Variants in SORCS2 observed in about 807,000 individuals in gnomAD.
SORCS2 encodes the protein VPS10 domain-containing receptor SorCS2.
A neutral mutation model predicts 141.6 loss-of-function variants in SORCS2; 100 were observed. The ratio of observed to expected loss-of-function variants is 0.71; its 90% CI spans 0.60 to 0.83. SORCS2 has a LOEUF of 0.83. Ranked by LOEUF, SORCS2 falls within the 40% of genes least tolerant of loss-of-function variation. The pLI, the probability that SORCS2 is intolerant of heterozygous loss-of-function variation, is 0.00. For missense variants in SORCS2, 1,646 were observed against 1,560.2 expected (o/e 1.05, Z -0.93); for synonymous variants, 789 against 676.9 (o/e 1.17, Z -2.57).
In SORCS2 at chr4:7,638,512, G is replaced by A; in HGVS notation, c.813+20G>A. The A allele has an allele frequency of 3.1e-6, 5 of 1,601,368 alleles. No individual in the cohort carries two copies. Among genetic ancestry groups the A allele is most frequent in the South Asian group, 1.1e-5 (1 of 90,204 alleles). ...AGCAAGGTAAGATATATGGGTGCCA[G>A]TCGCCTGGTCTGTGGGGCTGGGGTC... On this transcript the variant is annotated intron_variant, in intron 4 of 26. Transcript: ENST00000507866.
rs1385100395 is a variant in SORCS2, at chr4:7,689,572, C to T, written c.1575C>T (p.Gly525=). ...GTVHTKDTAP[G]LIMGAGNLGS... ...TGCACACCAAGGACACCGCCCCAGGCCTCATCATGGGTGCAGGTAGGTGGC... is the reference window on the plus strand; with the variant it reads ...TGCACACCAAGGACACCGCCCCAGGTCTCATCATGGGTGCAGGTAGGTGGC... Residue 525 remains glycine, a synonymous_variant, in exon 11 of 27, where the codon GGC becomes GGT. Coordinates refer to ENST00000507866, the MANE Select transcript of SORCS2 (RefSeq NM_020777.3). 4 of 1,597,894 alleles carry T rather than the reference C, an allele frequency of 2.5e-6. No individual in the cohort carries two copies. The highest frequency in any genetic ancestry group is 2.3e-5 in the East Asian group (1 of 44,066).
intron 2 of SORCS2, among the ~76,000 whole-genome samples, chr4:7,471,617 C>T (rs1017819615): frequency 3.3e-5 from 5 of 152,214 alleles, no homozygotes; most frequent in African/African-American, 4.8e-5. Context: ...GCAAACTGTC[C>T]GGGACACAGG....
At chr4:7,444,524 G>A (rs1488863479) in intron 2 of SORCS2, among the ~76,000 whole-genome samples, 1 of 152,228 alleles carries the variant, frequency 6.6e-6, no homozygotes, top group Non-Finnish European at 1.5e-5. Flanking sequence ...CTGGGTGCAG[G>A]AAGAACAGGG....
At chr4:7,232,402 T>C (rs1028993621) in intron 1 of SORCS2, among the ~76,000 whole-genome samples, 2 of 152,162 alleles carry the variant, frequency 1.3e-5, no homozygotes, top group African/African-American at 2.4e-5. Context: ...GCCCGGCGCC[T>C]GGACGCCGGA....
chr4:7,285,888 C>T (rs546162858), intron 1 of SORCS2, among the ~76,000 whole-genome samples: 4 of 152,332 alleles, frequency 2.6e-5, no homozygotes, highest in Admixed American at 1.3e-4. Context: ...CTCTGATGTT[C>T]GGTGCAGCCC....
chr4:7,588,579 C>T (rs374709891), intron 3 of SORCS2, among the ~76,000 whole-genome samples: 1 of 152,142 alleles, frequency 6.6e-6, no homozygotes, highest in East Asian at 1.9e-4. Flanking sequence ...CCCCCTCTGA[C>T]CTTGGTTCAG....
At chr4:7,500,079 G>T (rs763021383) in intron 2 of SORCS2, among the ~76,000 whole-genome samples, 7 of 152,138 alleles carry the variant, frequency 4.6e-5, no homozygotes, top group Non-Finnish European at 1.0e-4. Context: ...CTGACCTCAC[G>T]GGCTTTCTTT....
intron 3 of SORCS2, among the ~76,000 whole-genome samples, chr4:7,546,886 G>T (rs1227898684): frequency 6.6e-6 from 1 of 152,224 alleles, no homozygotes; most frequent in African/African-American, 2.4e-5. Context: ...CCCTTGTGCA[G>T]TAGGGACTCT....
rs149389125 is a variant in SORCS2, at chr4:7,333,400, C to T, written c.481-62888C>T. On this transcript the variant is annotated intron_variant, in intron 1 of 26. Coordinates refer to ENST00000507866, the MANE Select transcript of SORCS2 (RefSeq NM_020777.3). ...ACGTGTTCCCGTGTGTGATGTTGGC[C>T]GGTGCGGCAGCCCAGATGGGACATC... Among the ~76,000 whole-genome samples the T allele has an allele frequency of 4.6e-3, 708 of 152,286 alleles. 4 individuals carry two copies. The highest frequency in any genetic ancestry group is 0.016 in the African/African-American group (665 of 41,556).
At chr4:7,724,271 ATGGTGGTGG>A (rs1205792946) in intron 19 of SORCS2, among the ~76,000 whole-genome samples, 3 of 126,098 alleles carry the variant, frequency 2.4e-5, no homozygotes, top group South Asian at 2.4e-4. Flanking sequence ...GATGGTGATG[ATGGTGGTGG>A]TGGTGGTGGT....
At chr4:7,623,662 G>T (rs1257925434) in intron 3 of SORCS2, among the ~76,000 whole-genome samples, 14 of 152,078 alleles carry the variant, frequency 9.2e-5, no homozygotes, top group Admixed American at 9.2e-4. Context: ...CTTCCTGCTG[G>T]ATTGGTCACC....
At chr4:7,657,038 T>C (rs1056390562) in intron 5 of SORCS2, among the ~76,000 whole-genome samples, 1 of 151,942 alleles carries the variant, frequency 6.6e-6, no homozygotes, top group Non-Finnish European at 1.5e-5. Context: ...CTGCGGGGAG[T>C]GGGGCTTTAT....
chr4:7,438,188 A>C lies in SORCS2; in HGVS notation c.548+41833A>C, dbSNP rs77839564. Among the ~76,000 whole-genome samples the C allele has an allele frequency of 7.3e-3, 1,111 of 152,328 alleles. 12 individuals carry two copies. The highest frequency in any genetic ancestry group is 0.025 in the African/African-American group (1,049 of 41,580). On this transcript the variant is annotated intron_variant, in intron 2 of 26. Transcript: ENST00000507866. ...GGCTCACACGATGCAATTCCTGGTC[A>C]TGGTGCCTCAGAGGCCTTCCATCGG... is the stretch of plus-strand genomic sequence containing the variant.
At chr4:7,274,336 T>A (rs1196025820) in intron 1 of SORCS2, among the ~76,000 whole-genome samples, 1 of 152,250 alleles carries the variant, frequency 6.6e-6, no homozygotes, top group Non-Finnish European at 1.5e-5. Flanking sequence ...AGTCCTTTCC[T>A]GTGCTGCTAT....
At chr4:7,285,680 T>C (rs558166436) in intron 1 of SORCS2, among the ~76,000 whole-genome samples, 4 of 152,224 alleles carry the variant, frequency 2.6e-5, no homozygotes, top group Non-Finnish European at 5.9e-5. Context: ...CAGGAGGATT[T>C]TCCTGGGGCC....
intron 4 of SORCS2, 90 bp from the exon 5 acceptor site, chr4:7,654,044 A>T (rs1721599792): frequency 8.4e-7 from 1 of 1,191,644 alleles, no homozygotes; most frequent in South Asian, 1.3e-5. Context: ...CTCCTGGGGG[A>T]TCTGCTGTGG....
intron 9 of SORCS2, among the ~76,000 whole-genome samples, chr4:7,680,267 A>C (rs771243154): frequency 2.6e-5 from 4 of 152,136 alleles, no homozygotes; most frequent in Non-Finnish European, 5.9e-5. Context: ...ACTCATACTC[A>C]CACACAGAGA....
chr4:7,483,721 T>C (rs1730799748), intron 2 of SORCS2, among the ~76,000 whole-genome samples: 1 of 149,140 alleles, frequency 6.7e-6, no homozygotes, highest in Admixed American at 6.7e-5. Context: ...CTTGGGAAAC[T>C]GAGGCCAAAA....
intron 8 of SORCS2, among the ~76,000 whole-genome samples, chr4:7,668,968 G>T (rs894624866): frequency 6.6e-6 from 1 of 152,166 alleles, no homozygotes; most frequent in African/African-American, 2.4e-5. Context: ...TGCTGCCAAG[G>T]GTGCTCTAAG....
Sources: allele counts gnomAD v4.1 joint callset (sites outside exome capture counted in the v4.1 genomes callset), GRCh38; gene constraint gnomAD v4.1.1; transcripts MANE v1.5; gene names NCBI Gene and HGNC (gene_info 2026-07-23, HGNC 2026-07-21).